Variants in INTS14 observed in about 807,000 individuals in gnomAD.
INTS14 encodes UPF0464 protein C15orf44.
INTS14 carries 27 observed loss-of-function variants against 56.9 expected under a neutral mutation model. That is an observed-to-expected ratio of 0.47 (90% CI 0.35 to 0.65). The LOEUF (loss-of-function observed/expected upper bound fraction) is 0.65, where lower values mean the gene tolerates loss of function less well. Among genes scored for constraint, INTS14 ranks in the 30% least tolerant of loss-of-function variants. INTS14 has a pLI of 0.00. For synonymous variants in INTS14, 207 were observed against 236.2 expected (o/e 0.88, Z 1.13); for missense variants, 517 against 632.2 (o/e 0.82, Z 1.95).
At chr15:65,610,999 C>G in intron 1 of INTS14, 99 bp downstream of exon 1, 2 of 1,507,194 alleles carry the variant, frequency 1.3e-6, no homozygotes, top group Non-Finnish European at 1.8e-6. Context: ...GCGGGAAGGC[C>G]AAGCGCTGGC....
At chr15:65,598,277 A>T (rs1302709073) in intron 6 of INTS14, 44 bp downstream of exon 6, 2 of 1,566,250 alleles carry the variant, frequency 1.3e-6, no homozygotes, top group East Asian at 4.5e-5. Context: ...GAAGAAAGTA[A>T]GGATAACAGA....
intron 10 of INTS14, among the ~76,000 whole-genome samples, chr15:65,582,525 T>C (rs925523840): frequency 2.0e-5 from 3 of 152,048 alleles, no homozygotes; most frequent in Admixed American, 6.5e-5. Flanking sequence ...CTCAGGAGGA[T>C]TGCTTGAGGC....
chr15:65,588,714 A>G (rs1317130915), intron 9 of INTS14, among the ~76,000 whole-genome samples: 4 of 152,114 alleles, frequency 2.6e-5, no homozygotes, highest in African/African-American at 9.7e-5. Context: ...AAAGAAACAA[A>G]TAAGTTTTAA....
Position 65,599,877 on chromosome 15 carries a change from T to C in INTS14, c.383A>G (p.His128Arg). ...CLGIGRGSLR[H>R]SLATQNQRSE... ...TCGTTGATTTTGAGTGGCTAGGGAA[T>C]GTCGCAGTGACCCTCTACCAATGCC... Residue 128 changes from histidine (H) to arginine (R), a missense_variant, in exon 4 of 12, where the codon CAT becomes CGT. By Grantham distance (29) the His-to-Arg change is conservative (BLOSUM62 0). Coordinates refer to ENST00000313182, the MANE Select transcript of INTS14 (RefSeq NM_001394796.1). The C allele has an allele frequency of 1.9e-6, 3 of 1,614,196 alleles. No homozygotes were observed. Among genetic ancestry groups the C allele is most frequent in the Non-Finnish European group, 1.7e-6 (2 of 1,180,012 alleles).
Position 65,598,940 on chromosome 15 carries a change from G to A in INTS14, c.537C>T (p.Asn179=), listed in dbSNP as rs2073322496. ...TAGTAAAAATCTGCCCTTCACCATT[G>A]TTTAAATCTATGAGACGTTCAAGGC... ...LECLERLIDL[N]NGEGQIFTID... Residue 179 remains asparagine, a synonymous_variant, in exon 5 of 12, where the codon AAC becomes AAT. Transcript: ENST00000313182. The A allele has an allele frequency of 6.2e-7, 1 of 1,613,986 alleles. No homozygotes were observed. The highest frequency in any genetic ancestry group is 8.5e-7 in the Non-Finnish European group (1 of 1,179,950).
At chr15:65,606,758 G>A (rs2073669323) in intron 2 of INTS14, among the ~76,000 whole-genome samples, 2 of 152,086 alleles carry the variant, frequency 1.3e-5, no homozygotes, top group African/African-American at 2.4e-5. Flanking sequence ...TTGTTGGAAA[G>A]GAAATATCAT....
chr15:65,584,118 G>A lies in INTS14; in HGVS notation c.1239+652C>T, dbSNP rs148312314. ...TGCTGATGAAAGGAGAAATGTTCCT[G>A]AATACCATGCCTGAAAGCATCATTC... On this transcript the variant is annotated intron_variant, in intron 10 of 11. Coordinates refer to ENST00000313182, the MANE Select transcript of INTS14 (RefSeq NM_001394796.1). 4.1e-3 allele frequency among the ~76,000 whole-genome samples: 620 copies of A among 152,210 alleles called. 2 individuals carry two copies. Among genetic ancestry groups the A allele is most frequent in the African/African-American group, 0.014 (571 of 41,518 alleles).
chr15:65,597,143 G>A (rs561707539), intron 6 of INTS14, among the ~76,000 whole-genome samples: 1 of 152,186 alleles, frequency 6.6e-6, no homozygotes, highest in African/African-American at 2.4e-5. Flanking sequence ...ACAACTTAAT[G>A]TACTACTGTC....
intron 10 of INTS14, among the ~76,000 whole-genome samples, chr15:65,583,922 C>T (rs1409697079): frequency 6.6e-6 from 1 of 152,136 alleles, no homozygotes; most frequent in Admixed American, 6.5e-5. Context: ...TCCATGGAAA[C>T]GGGGCTCAGA....
In INTS14 at chr15:65,607,125, C is replaced by T. The variant is rs371517622; in HGVS notation, c.222+34G>A. ...CTGTTTTCCTCCCAATAAATTTAGG[C>T]CCTGTACATACAATAACTTACTACA... On this transcript the variant is annotated intron_variant, in intron 2 of 11. Transcript: ENST00000313182. 5 of 1,607,758 alleles carry T rather than the reference C, an allele frequency of 3.1e-6. No individual in the cohort carries two copies. In the African/African-American group the frequency reaches 5.4e-5, roughly 17 times the overall value.
intron 2 of INTS14, among the ~76,000 whole-genome samples, chr15:65,605,624 A>G (rs1190417691): frequency 2.0e-5 from 3 of 152,372 alleles, no homozygotes; most frequent in Middle Eastern, 3.4e-3. Context: ...CAATAAAACT[A>G]TAAGGTATAG....
intron 7 of INTS14, among the ~76,000 whole-genome samples, chr15:65,594,014 T>A (rs557437144): frequency 9.1e-4 from 139 of 152,306 alleles, no homozygotes; most frequent in Non-Finnish European, 7.4e-4. Context: ...CAGTAAAGCT[T>A]ACACACAAAA....
chr15:65,608,925 G>C (rs1171701799), intron 1 of INTS14, among the ~76,000 whole-genome samples: 1 of 152,108 alleles, frequency 6.6e-6, no homozygotes, highest in Non-Finnish European at 1.5e-5. Context: ...ACGGAGTCTT[G>C]CGACATCTGT....
chr15:65,587,385 T>C (rs2072864650), intron 9 of INTS14, among the ~76,000 whole-genome samples: 2 of 151,822 alleles, frequency 1.3e-5, no homozygotes, highest in Admixed American at 1.3e-4. Context: ...ACCTGAAGAA[T>C]GTATTTTACT....
chr15:65,603,786 C>T (rs2073533517), intron 3 of INTS14, among the ~76,000 whole-genome samples: 1 of 152,208 alleles, frequency 6.6e-6, no homozygotes, highest in South Asian at 2.1e-4. Context: ...TATTTAAACA[C>T]AGCCCTACCC....
chr15:65,606,252 CAAAA>C (rs372473798), intron 2 of INTS14, among the ~76,000 whole-genome samples: 1 of 62,430 alleles, frequency 1.6e-5, no homozygotes, highest in Non-Finnish European at 3.4e-5. Context: ...GACTCCGTCT[CAAAA>C]AAAAAAAAAA....
At chr15:65,593,230 C>G (rs1432059329) in intron 8 of INTS14, among the ~76,000 whole-genome samples, 198 bp downstream of exon 8, 1 of 151,734 alleles carries the variant, frequency 6.6e-6, no homozygotes, top group Non-Finnish European at 1.5e-5. Flanking sequence ...GCCACTGTAC[C>G]CCTGGGGGAC....
intron 1 of INTS14, among the ~76,000 whole-genome samples, chr15:65,610,517 A>G (rs1479165060): frequency 6.7e-6 from 1 of 149,252 alleles, no homozygotes; most frequent in Admixed American, 6.8e-5. Flanking sequence ...TCTCAGGAAC[A>G]GTCTGAGAAA....
At chr15:65,589,200 C>G (rs1276642942) in intron 9 of INTS14, among the ~76,000 whole-genome samples, 1 of 152,218 alleles carries the variant, frequency 6.6e-6, no homozygotes, top group Non-Finnish European at 1.5e-5. Context: ...GAGGGCCAGA[C>G]AGGTTGGAGT....
Sources: gnomAD v4.1 joint callset for allele counts (sites outside exome capture counted in the v4.1 genomes callset) on GRCh38, gnomAD v4.1.1 for gene constraint, MANE v1.5 for transcripts, NCBI Gene and HGNC (gene_info 2026-07-23, HGNC 2026-07-21) for gene names.